The following CHN1 variants were observed in gnomAD, a reference collection of about 807,000 sequenced individuals.
The protein encoded by CHN1 is chimerin 1, also known as N-chimaerin.
In CHN1, 37 loss-of-function variants were observed where a neutral mutation model predicts 59.5. The observed-to-expected ratio is 0.62, with a 90% CI of 0.48 to 0.82. CHN1 has a LOEUF of 0.82. CHN1 is among the 40% of genes least tolerant of loss of function. The pLI is 0.00. For synonymous variants in CHN1, 206 were observed against 200.4 expected (o/e 1.03, Z -0.24); for missense variants, 469 against 571.0 (o/e 0.82, Z 1.82).
chr2:174,986,797 C>A (rs774789849), intron 1 of CHN1, among the ~76,000 whole-genome samples: 24 of 152,346 alleles, frequency 1.6e-4, no homozygotes, highest in Non-Finnish European at 2.8e-4. Context: ...AGTGCAATGG[C>A]GCGATCTGGG....
chr2:174,852,241 A>T (rs1686756251), intron 6 of CHN1, among the ~76,000 whole-genome samples: 2 of 152,292 alleles, frequency 1.3e-5, no homozygotes, highest in South Asian at 4.1e-4. Flanking sequence ...GTGAGCCGAG[A>T]TTGCACCACA....
At chr2:174,896,079 G>C (rs551599314) in intron 5 of CHN1, among the ~76,000 whole-genome samples, 93 of 151,462 alleles carry the variant, frequency 6.1e-4, no homozygotes, top group African/African-American at 2.2e-3. Context: ...TTAAATTATA[G>C]GAGTTGGAAA....
intron 6 of CHN1, among the ~76,000 whole-genome samples, chr2:174,865,807 C>T (rs962763473): frequency 6.6e-6 from 1 of 152,054 alleles, no homozygotes; most frequent in Admixed American, 6.6e-5. Flanking sequence ...AATAAGTTGT[C>T]AGAAGTACAG....
At chr2:174,852,016 C>T (rs777588378) in intron 6 of CHN1, among the ~76,000 whole-genome samples, 1 of 151,924 alleles carries the variant, frequency 6.6e-6, no homozygotes, top group Non-Finnish European at 1.5e-5. Flanking sequence ...GTGGCTCACA[C>T]CTGTAATCCC....
intron 1 of CHN1, among the ~76,000 whole-genome samples, chr2:174,974,192 TAG>T (rs1441798204): frequency 1.3e-5 from 2 of 150,394 alleles, no homozygotes; most frequent in Non-Finnish European, 2.9e-5. Flanking sequence ...AATATTCAAA[TAG>T]AGTCTTCTTT....
intron 3 of CHN1, among the ~76,000 whole-genome samples, chr2:174,930,535 G>A (rs971815693): frequency 6.6e-6 from 1 of 152,164 alleles, no homozygotes; most frequent in Admixed American, 6.5e-5. Flanking sequence ...TGCAGGGTAT[G>A]GGGGTTGGGG....
In CHN1 at chr2:174,812,467, A is replaced by T; in HGVS notation, c.728T>A (p.Val243Asp). The T allele has an allele frequency of 6.2e-7, 1 of 1,613,938 alleles. No homozygotes were observed. The highest frequency in any genetic ancestry group is 8.5e-7 in the Non-Finnish European group (1 of 1,179,826). The change falls in exon 9 of 13, where the codon GTT becomes GAT. Residue 243 changes from valine (V) to aspartate (D), a missense_variant. By Grantham distance (152) the Val-to-Asp change is radical. Around this residue, in one of 5 missense-constraint regions of CHN1, gnomAD observed 225 missense variants for 289.9 expected, o/e 0.78. Transcript: ENST00000409900. The part of the protein sequence containing the change: ...GVKCADCGLN[V>D]HKQCSKMVPN... Reference sequence around the variant, plus strand: ...GACCATCTTGGAACACTGCTTATGAACATTCAAACCACAATCTAAGAAAAG... The same window carrying T: ...GACCATCTTGGAACACTGCTTATGATCATTCAAACCACAATCTAAGAAAAG...
chr2:174,868,454 GCTTC>G (rs1246940915), intron 6 of CHN1, among the ~76,000 whole-genome samples: 9 of 152,182 alleles, frequency 5.9e-5, no homozygotes, highest in African/African-American at 1.7e-4. Context: ...CCTAATGGCT[GCTTC>G]CTTAGAGAGC....
intron 3 of CHN1, among the ~76,000 whole-genome samples, chr2:174,924,014 G>A (rs1218325320): frequency 6.6e-6 from 1 of 151,756 alleles, no homozygotes; most frequent in Non-Finnish European, 1.5e-5. Context: ...TTTCTCTCAT[G>A]TCTAGATAGT....
At chr2:174,819,539 T>C (rs1685406764) in intron 8 of CHN1, among the ~76,000 whole-genome samples, 1 of 152,208 alleles carries the variant, frequency 6.6e-6, no homozygotes, top group Non-Finnish European at 1.5e-5. Flanking sequence ...AAGACGAATG[T>C]TTGACAGTCT....
intron 3 of CHN1, among the ~76,000 whole-genome samples, chr2:174,934,721 G>GT (rs1242947264): frequency 6.6e-6 from 1 of 152,226 alleles, no homozygotes; most frequent in African/African-American, 2.4e-5. Flanking sequence ...TAGGGTTGCA[G>GT]TTTTGCCAAG....
rs1457617666 is a variant in CHN1, at chr2:174,850,523, G to GACAT, written c.550-3570_550-3567dup. 2.6e-5 allele frequency among the ~76,000 whole-genome samples: 4 copies of GACAT among 152,102 alleles called. No individual in the cohort carries two copies. In the East Asian group the frequency reaches 7.7e-4, roughly 29 times the overall value. Reference sequence around the variant, plus strand: ...AGGTTACTGGGAAGTTTAAAGAAATGACATACAAAAAAGATTATCTGCAGG... The same window carrying GACAT: ...AGGTTACTGGGAAGTTTAAAGAAATGACATACATACAAAAAAGATTATCTGCAGG... On this transcript the variant is annotated intron_variant, in intron 6 of 12. Transcript: ENST00000409900.
intron 5 of CHN1, among the ~76,000 whole-genome samples, chr2:174,894,677 C>T (rs1372174900): frequency 6.6e-6 from 1 of 152,040 alleles, no homozygotes; most frequent in Non-Finnish European, 1.5e-5. Context: ...CACCCATATT[C>T]GCTGCAGCAT....
chr2:174,922,823 A>G (rs1459139338), intron 3 of CHN1, among the ~76,000 whole-genome samples: 1 of 152,102 alleles, frequency 6.6e-6, no homozygotes, highest in African/African-American at 2.4e-5. Context: ...ATGTAGATCT[A>G]TTGAGACTAA....
intron 7 of CHN1, among the ~76,000 whole-genome samples, chr2:174,832,718 CACTT>C (rs376233906): frequency 6.6e-6 from 1 of 152,142 alleles, no homozygotes; most frequent in African/African-American, 2.4e-5. Context: ...AGTCATGTGT[CACTT>C]AATGATAGGG....
chr2:174,849,665 G>A (rs1012054438), intron 6 of CHN1, among the ~76,000 whole-genome samples: 10 of 151,908 alleles, frequency 6.6e-5, no homozygotes, highest in Admixed American at 3.9e-4. Flanking sequence ...TATTAATTAC[G>A]GTTATCACTT....
chr2:174,877,869 T>C lies in CHN1; in HGVS notation c.520A>G (p.Thr174Ala), dbSNP rs1371294874. Residue 174 changes from threonine to alanine, a missense_variant, in exon 6 of 13, where the codon ACA becomes GCA. By Grantham distance (58) the Thr-to-Ala change is moderately conservative (BLOSUM62 0). Around this residue, in one of 5 missense-constraint regions of CHN1, gnomAD observed 81 missense variants for 71.7 expected, o/e 1.13. Coordinates refer to ENST00000409900, the MANE Select transcript of CHN1 (RefSeq NM_001822.7). ...LKETHDERDS[T>A]GQDGVSEKRL... ...TTCTCTGACACCCCATCCTGGCCTG[T>C]AGAATCTCTCTCATCATGTGTCTCT... The C allele has an allele frequency of 4.3e-6, 7 of 1,613,652 alleles. No homozygotes were observed. Among genetic ancestry groups the C allele is most frequent in the South Asian group, 1.1e-5 (1 of 91,034 alleles).
At chr2:174,870,600 C>A (rs1203220616) in intron 6 of CHN1, among the ~76,000 whole-genome samples, 1 of 152,108 alleles carries the variant, frequency 6.6e-6, no homozygotes, top group African/African-American at 2.4e-5. Context: ...TTAGAACTGC[C>A]CGCAAAGTTA....
intron 6 of CHN1, among the ~76,000 whole-genome samples, chr2:174,866,004 C>T (rs373341832): frequency 3.3e-5 from 5 of 152,108 alleles, no homozygotes; most frequent in African/African-American, 7.2e-5. Flanking sequence ...GACTAGGATC[C>T]AGATCTCTTC....
Sources: gnomAD v4.1 joint callset for allele counts (sites outside exome capture counted in the v4.1 genomes callset) on GRCh38, gnomAD v4.1.1 for gene constraint, gnomAD v4.1.1 regional missense constraint, MANE v1.5 for transcripts, NCBI Gene and HGNC (gene_info 2026-07-23, HGNC 2026-07-21) for gene names.